VPS8: variants seen among roughly 807,000 people sequenced by gnomAD.
The protein encoded by VPS8 is vacuolar protein sorting-associated protein 8 homolog.
A neutral mutation model predicts 216.4 loss-of-function variants in VPS8; 129 were observed. The ratio of observed to expected loss-of-function variants is 0.60; its 90% CI spans 0.52 to 0.69. The LOEUF is 0.69. VPS8 is among the 30% of genes least tolerant of loss of function. The probability of loss-of-function intolerance (pLI) is 0.00; values close to 1 mark genes in which losing one functional copy is unlikely to be tolerated. For synonymous variants in VPS8, 571 were observed against 565.4 expected (o/e 1.01, Z -0.14); for missense variants, 1,531 against 1,683.5 (o/e 0.91, Z 1.59).
intron 25 of VPS8, among the ~76,000 whole-genome samples, chr3:184,912,723 C>T (rs1469718819): frequency 2.6e-5 from 4 of 152,182 alleles, no homozygotes; most frequent in African/African-American, 9.6e-5. Context: ...TTCATGTTTA[C>T]ATGCACTAAC....
intron 47 of VPS8, among the ~76,000 whole-genome samples, chr3:185,050,860 T>G (rs1714076913): frequency 6.6e-6 from 1 of 152,124 alleles, no homozygotes; most frequent in African/African-American, 2.4e-5. Context: ...ACAGGGTCCC[T>G]TAGAGTGTTG....
At chr3:185,021,773 G>T (rs781121478) in intron 45 of VPS8, among the ~76,000 whole-genome samples, 1 of 152,118 alleles carries the variant, frequency 6.6e-6, no homozygotes, top group Non-Finnish European at 1.5e-5. Flanking sequence ...CCTGCAACGT[G>T]GTCCTACTTG....
At chr3:184,894,039 A>G (rs1440770639) in intron 22 of VPS8, among the ~76,000 whole-genome samples, 1 of 152,218 alleles carries the variant, frequency 6.6e-6, no homozygotes, top group Non-Finnish European at 1.5e-5. Context: ...GGTTGTTGAC[A>G]TTTAAAGTAA....
chr3:184,925,586 T>A (rs891540177), intron 30 of VPS8, among the ~76,000 whole-genome samples: 2 of 152,148 alleles, frequency 1.3e-5, no homozygotes, highest in Non-Finnish European at 2.9e-5. Flanking sequence ...AAGTAATTCA[T>A]GTTAGGTCAT....
chr3:184,963,374 A>G (rs1746861122), intron 37 of VPS8, among the ~76,000 whole-genome samples: 1 of 152,106 alleles, frequency 6.6e-6, no homozygotes, highest in East Asian at 1.9e-4. Context: ...TATAGCTTTT[A>G]TATAAGGTTC....
chr3:184,946,197 A>G (rs1432226486), intron 36 of VPS8, among the ~76,000 whole-genome samples: 1 of 152,236 alleles, frequency 6.6e-6, no homozygotes, highest in Non-Finnish European at 1.5e-5. Flanking sequence ...AGCTACACCT[A>G]TATTTTAGCA....
At chr3:184,966,769 A>G (rs1747475694) in intron 39 of VPS8, 56 bp downstream of exon 39, 1 of 1,314,272 alleles carries the variant, frequency 7.6e-7, no homozygotes, top group Non-Finnish European at 1.1e-6. Context: ...ATGTTTTAAA[A>G]GATGTTTAAT....
chr3:185,010,187 T>G (rs76374731), intron 45 of VPS8, among the ~76,000 whole-genome samples: 395 of 152,304 alleles, frequency 2.6e-3, no homozygotes, highest in African/African-American at 9.2e-3. Context: ...AACTGCTGCT[T>G]TGATCTCACC....
intron 22 of VPS8, among the ~76,000 whole-genome samples, chr3:184,886,854 C>T (rs1226480742): frequency 2.6e-5 from 4 of 152,140 alleles, no homozygotes; most frequent in African/African-American, 7.2e-5. Flanking sequence ...GCTGGGAGTA[C>T]AGGCGTGAGC....
chr3:184,886,989 A>G (rs1471555175), intron 22 of VPS8, among the ~76,000 whole-genome samples: 1 of 152,228 alleles, frequency 6.6e-6, no homozygotes, highest in Non-Finnish European at 1.5e-5. Flanking sequence ...TTTGTTTAAA[A>G]TAAATCAGTA....
At chr3:184,842,186 CAAAAAA>C (rs71162267) in intron 7 of VPS8, among the ~76,000 whole-genome samples, 13 of 48,982 alleles carry the variant, frequency 2.7e-4, no homozygotes, top group South Asian at 9.4e-4. Flanking sequence ...GACTCCGTCT[CAAAAAA>C]AAAAAAAAAA....
chr3:184,867,099 T>G (rs980568357), intron 17 of VPS8, 149 bp downstream of exon 17: 2 of 621,552 alleles, frequency 3.2e-6, no homozygotes, highest in Non-Finnish European at 5.2e-6. Context: ...GGCATGATTT[T>G]TAGTTAATTA....
At chr3:184,822,055 TATAGAA>T (rs1284764804) in intron 1 of VPS8, among the ~76,000 whole-genome samples, 1 of 149,876 alleles carries the variant, frequency 6.7e-6, no homozygotes, top group African/African-American at 2.5e-5. Context: ...ATTTTAATGA[TATAGAA>T]ATAGAGAGGT....
chr3:184,894,729 A>C lies in VPS8; in HGVS notation c.1808A>C (p.Asp603Ala), dbSNP rs1328820446. The C allele has an allele frequency of 7.5e-6, 12 of 1,605,228 alleles. No homozygotes were observed. Among genetic ancestry groups the C allele is most frequent in the Non-Finnish European group, 1.0e-5 (12 of 1,175,334 alleles). ...RKDLLFSQMY[D>A]KLSENSVAKG... The stretch of plus-strand genomic sequence containing the variant: ...GATCTTTTATTTAGTCAGATGTATG[A>C]TAAATTAAGTGAGAATTCAGTGGCC... The change falls in exon 23 of 48, where the codon GAT (aspartate) becomes GCT (alanine). Residue 603 changes from aspartate (D) to alanine (A), a missense_variant. By Grantham distance (126) the Asp-to-Ala change is moderately radical (BLOSUM62 -2). This residue lies in a region of VPS8 where 1,318 missense variants were observed against 1,468.4 expected (regional missense o/e 0.90). Transcript: ENST00000625842.
intron 1 of VPS8, among the ~76,000 whole-genome samples, chr3:184,819,736 C>G (rs1488710762): frequency 6.6e-6 from 1 of 152,074 alleles, no homozygotes; most frequent in African/African-American, 2.4e-5. Context: ...GGGCACTACC[C>G]CCTCAACCAG....
intron 25 of VPS8, among the ~76,000 whole-genome samples, chr3:184,907,039 A>G (rs570521036): frequency 6.6e-6 from 1 of 152,338 alleles, no homozygotes; most frequent in Admixed American, 6.5e-5. Context: ...CACCCGTGAC[A>G]CAGCCTCAGG....
chr3:184,908,448 G>A (rs764693024), intron 25 of VPS8, among the ~76,000 whole-genome samples: 13 of 152,256 alleles, frequency 8.5e-5, no homozygotes, highest in East Asian at 5.8e-4. Flanking sequence ...TGTGAGGCCC[G>A]CGGTCTTGAG....
At chr3:184,973,889 T>A (rs1486114042) in intron 40 of VPS8, among the ~76,000 whole-genome samples, 1 of 152,186 alleles carries the variant, frequency 6.6e-6, no homozygotes, top group Non-Finnish European at 1.5e-5. Flanking sequence ...TCCTTTTTTA[T>A]GGCCAAATAC....
At chr3:185,013,109 A>G (rs1419137830) in intron 45 of VPS8, among the ~76,000 whole-genome samples, 1 of 152,190 alleles carries the variant, frequency 6.6e-6, no homozygotes, top group Non-Finnish European at 1.5e-5. Context: ...GTTTAAGAAC[A>G]CCTTAAGCGT....
Sources: gnomAD v4.1 joint callset for allele counts (sites outside exome capture counted in the v4.1 genomes callset) on GRCh38, gnomAD v4.1.1 for gene constraint, gnomAD v4.1.1 regional missense constraint, MANE v1.5 for transcripts, NCBI Gene and HGNC (gene_info 2026-07-23, HGNC 2026-07-21) for gene names.